The following SLC9A9 variants were observed in gnomAD, a reference collection of about 807,000 sequenced individuals.
SLC9A9 encodes sodium/hydrogen exchanger 9.
A neutral mutation model predicts 77.8 loss-of-function variants in SLC9A9; 62 were observed. The ratio of observed to expected loss-of-function variants is 0.80; its 90% CI spans 0.65 to 0.98. SLC9A9 has a LOEUF of 0.98. Among genes scored for constraint, SLC9A9 ranks in the 50% least tolerant of loss-of-function variants. SLC9A9 has a pLI of 0.00. For synonymous variants in SLC9A9, 320 were observed against 283.5 expected, an observed-to-expected ratio of 1.13 and a Z score of -1.29; for missense variants, 775 against 774.9, an observed-to-expected ratio of 1.00 and a Z score of 0.00.
At chr3:143,400,502 A>C (rs1368651491) in intron 12 of SLC9A9, among the ~76,000 whole-genome samples, 1 of 152,100 alleles carries the variant, frequency 6.6e-6, no homozygotes, top group Non-Finnish European at 1.5e-5. Context: ...AAAAAAGCAT[A>C]TGAATGATAC....
chr3:143,725,027 C>G (rs947957412), intron 4 of SLC9A9, among the ~76,000 whole-genome samples: 9 of 152,242 alleles, frequency 5.9e-5, no homozygotes, highest in South Asian at 2.1e-4. Flanking sequence ...TGCCCCCAGC[C>G]CCCCCACTGC....
intron 9 of SLC9A9, among the ~76,000 whole-genome samples, chr3:143,549,229 A>G (rs1030653305): frequency 2.0e-5 from 3 of 152,210 alleles, no homozygotes; most frequent in African/African-American, 7.2e-5. Flanking sequence ...TCTGCTTGTT[A>G]CACTAGTGCA....
intron 9 of SLC9A9, among the ~76,000 whole-genome samples, chr3:143,548,306 G>A (rs2036821893): frequency 6.6e-6 from 1 of 152,094 alleles, no homozygotes; most frequent in Non-Finnish European, 1.5e-5. Flanking sequence ...GGTGGTGGGG[G>A]TGGTGAGGGA....
intron 6 of SLC9A9, among the ~76,000 whole-genome samples, chr3:143,622,658 A>T (rs2038239661): frequency 6.6e-6 from 1 of 152,224 alleles, no homozygotes; most frequent in Non-Finnish European, 1.5e-5. Flanking sequence ...CCATTGCAAA[A>T]ACATGCCAAA....
chr3:143,671,013 T>A (rs889989045), intron 5 of SLC9A9, among the ~76,000 whole-genome samples: 3 of 152,224 alleles, frequency 2.0e-5, no homozygotes, highest in African/African-American at 7.2e-5. Context: ...GGACCTGATT[T>A]GTCTCCCATC....
chr3:143,614,214 C>T (rs2038067807), intron 6 of SLC9A9, among the ~76,000 whole-genome samples: 1 of 152,190 alleles, frequency 6.6e-6, no homozygotes, highest in African/African-American at 2.4e-5. Flanking sequence ...CTAGCATTTC[C>T]TAGGCTCAAT....
chr3:143,370,756 C>T (rs2033042110), intron 13 of SLC9A9, among the ~76,000 whole-genome samples: 1 of 151,966 alleles, frequency 6.6e-6, no homozygotes, highest in Non-Finnish European at 1.5e-5. Flanking sequence ...CAAAGGAAAA[C>T]AATGTGTCTC....
At chr3:143,702,999 A>G (rs1442365206) in intron 4 of SLC9A9, among the ~76,000 whole-genome samples, 2 of 152,150 alleles carry the variant, frequency 1.3e-5, no homozygotes, top group Non-Finnish European at 2.9e-5. Flanking sequence ...ATGATAAAGG[A>G]GTAAATTTAG....
At chr3:143,809,826 C>CTT (rs1447030994) in intron 2 of SLC9A9, among the ~76,000 whole-genome samples, 1 of 152,218 alleles carries the variant, frequency 6.6e-6, no homozygotes, top group Non-Finnish European at 1.5e-5. Flanking sequence ...CCATTGAACA[C>CTT]TTGAACAGTA....
At chr3:143,286,601 A>G (rs562233942) in intron 14 of SLC9A9, among the ~76,000 whole-genome samples, 1 of 152,280 alleles carries the variant, frequency 6.6e-6, no homozygotes, top group South Asian at 2.1e-4. Flanking sequence ...CTGGGGCCTC[A>G]CAGAATGTTC....
chr3:143,597,849 G>C (rs1434591926), intron 6 of SLC9A9, among the ~76,000 whole-genome samples: 1 of 152,214 alleles, frequency 6.6e-6, no homozygotes, highest in African/African-American at 2.4e-5. Flanking sequence ...GCGCTAAAAG[G>C]TGCAGAAAAC....
chr3:143,623,225 G>T (rs1410754346), intron 6 of SLC9A9, among the ~76,000 whole-genome samples: 1 of 152,240 alleles, frequency 6.6e-6, no homozygotes, highest in East Asian at 1.9e-4. Flanking sequence ...AATTAACAAG[G>T]ATATCCAGGA....
intron 14 of SLC9A9, among the ~76,000 whole-genome samples, chr3:143,284,981 T>C (rs1363302288): frequency 6.6e-6 from 1 of 152,198 alleles, no homozygotes; most frequent in African/African-American, 2.4e-5. Context: ...GGAAGGTAAA[T>C]ATGTGCTGAT....
chr3:143,398,490 T>A (rs1352605717), intron 12 of SLC9A9, among the ~76,000 whole-genome samples: 1 of 152,150 alleles, frequency 6.6e-6, no homozygotes, highest in Admixed American at 6.5e-5. Flanking sequence ...CTACACTAGG[T>A]AATATTCATG....
At chr3:143,685,491 T>A (rs1392918336) in intron 5 of SLC9A9, among the ~76,000 whole-genome samples, 1 of 152,204 alleles carries the variant, frequency 6.6e-6, no homozygotes, top group Non-Finnish European at 1.5e-5. Flanking sequence ...TTTTGAATAC[T>A]GGATTAATAC....
intron 12 of SLC9A9, among the ~76,000 whole-genome samples, chr3:143,409,591 C>T (rs751833588): frequency 6.6e-6 from 1 of 152,194 alleles, no homozygotes; most frequent in Non-Finnish European, 1.5e-5. Flanking sequence ...CTGAAGCTAT[C>T]CTTCTGCATC....
chr3:143,380,572 T>G (rs1349852703), intron 13 of SLC9A9, among the ~76,000 whole-genome samples: 1 of 152,204 alleles, frequency 6.6e-6, no homozygotes, highest in Non-Finnish European at 1.5e-5. Context: ...AGCCCACCAG[T>G]GTAAGGAGAT....
chr3:143,841,339 T>A (rs1275445699), intron 1 of SLC9A9, among the ~76,000 whole-genome samples: 1 of 152,224 alleles, frequency 6.6e-6, no homozygotes, highest in Non-Finnish European at 1.5e-5. Context: ...AATGTTTTAT[T>A]ACCTCAGTTT....
intron 14 of SLC9A9, among the ~76,000 whole-genome samples, chr3:143,336,187 T>C (rs2031916214): frequency 6.6e-6 from 1 of 152,138 alleles, no homozygotes; most frequent in Admixed American, 6.5e-5. Context: ...GACTACATAA[T>C]GAGATATCAC....
Sources: gnomAD v4.1 joint callset for allele counts (sites outside exome capture counted in the v4.1 genomes callset) on GRCh38, gnomAD v4.1.1 for gene constraint, MANE v1.5 for transcripts, NCBI Gene and HGNC (gene_info 2026-07-23, HGNC 2026-07-21) for gene names.